CLASP2: variants seen among roughly 807,000 people sequenced by gnomAD.
The protein encoded by CLASP2 is cytoplasmic linker associated protein 2, also known as CLIP-associating protein 2.
CLASP2 carries 47 observed loss-of-function variants against 194.4 expected under a neutral mutation model. That is an observed-to-expected ratio of 0.24 (90% CI 0.19 to 0.31). The LOEUF (loss-of-function observed/expected upper bound fraction) is 0.31, where lower values mean the gene tolerates loss of function less well. Among genes scored for constraint, CLASP2 ranks in the 10% least tolerant of loss-of-function variants. The pLI, the probability that CLASP2 is intolerant of heterozygous loss-of-function variation, is 1.00. For missense variants in CLASP2, 1,445 were observed against 1,823.6 expected, an observed-to-expected ratio of 0.79 and a Z score of 3.78; for synonymous variants, 619 against 633.5, an observed-to-expected ratio of 0.98 and a Z score of 0.34.
At chr3:33,624,221 T>C (rs1338145167) in intron 10 of CLASP2, among the ~76,000 whole-genome samples, 1 of 151,918 alleles carries the variant, frequency 6.6e-6, no homozygotes, top group Non-Finnish European at 1.5e-5. Context: ...TAACTCGAGG[T>C]TTTCTAAATT....
rs1176870848 is a variant in CLASP2, at chr3:33,574,506, GTAAA to G, written c.2455-1156_2455-1153del. ...GTATGTCTCCTAAGAGCTGAGAGCA[GTAAA>G]TTTTTAAAGAGAAAAATTGAAAATA... On this transcript the variant is annotated intron_variant, in intron 24 of 38. Transcript: ENST00000682230. 5 of 1,499,724 alleles carry G rather than the reference GTAAA, an allele frequency of 3.3e-6. No individual in the cohort carries two copies. In the East Asian group the frequency reaches 1.2e-4, roughly 37 times the overall value. The allele number at this position is 1,499,724 out of a possible 1,614,324, so 92.9% of individuals were successfully genotyped here.
intron 7 of CLASP2, among the ~76,000 whole-genome samples, chr3:33,651,980 C>T (rs1217556306): frequency 6.6e-6 from 1 of 152,122 alleles, no homozygotes; most frequent in South Asian, 2.1e-4. Context: ...TTTATGGGTA[C>T]ATGTATTCCA....
chr3:33,516,815 C>G (rs1471938974), intron 35 of CLASP2, among the ~76,000 whole-genome samples, 166 bp downstream of exon 35: 1 of 152,120 alleles, frequency 6.6e-6, no homozygotes, highest in Non-Finnish European at 1.5e-5. Flanking sequence ...AATTGTTGAG[C>G]TACTTGGTTT....
chr3:33,515,924 T>C (rs1354372244), intron 36 of CLASP2, 99 bp downstream of exon 36: 5 of 1,221,736 alleles, frequency 4.1e-6, no homozygotes, highest in Non-Finnish European at 4.4e-6. Context: ...TCAAGGCAAA[T>C]GTTCAAGAAA....
At chr3:33,652,687 T>A (rs1054161895) in intron 7 of CLASP2, among the ~76,000 whole-genome samples, 1 of 152,162 alleles carries the variant, frequency 6.6e-6, no homozygotes, top group Non-Finnish European at 1.5e-5. Context: ...GACCTATATA[T>A]CCAATTGCCT....
At chr3:33,564,220 A>G (rs1417444300) in intron 27 of CLASP2, among the ~76,000 whole-genome samples, 1 of 152,220 alleles carries the variant, frequency 6.6e-6, no homozygotes, top group East Asian at 1.9e-4. Context: ...AGAACCCAAT[A>G]AAAAGTTTAT....
At chr3:33,530,520 A>G (rs1357571532) in intron 34 of CLASP2, among the ~76,000 whole-genome samples, 2 of 152,202 alleles carry the variant, frequency 1.3e-5, no homozygotes, top group Non-Finnish European at 2.9e-5. Flanking sequence ...GTTGTTTATT[A>G]AGGATATTAA....
In CLASP2 at chr3:33,496,789, T is replaced by A. The variant is rs910352140; in HGVS notation, c.*1842A>T. On this transcript the variant is annotated 3_prime_UTR_variant, in exon 39 of 39. Transcript: ENST00000682230. ...TGAGAAGAGTTGTGTTTAAAATGCA[T>A]TTTCTTCTTACAGATAAGCTGTAAT... 1 of 152,212 alleles carries A rather than the reference T, an allele frequency of 6.6e-6. No homozygotes were observed. The highest frequency in any genetic ancestry group is 1.5e-5 in the Non-Finnish European group (1 of 68,020). The allele number at this position is 152,212 out of a possible 1,614,324, so 9.4% of individuals were successfully genotyped here.
chr3:33,561,035 T>C (rs1168479846), intron 27 of CLASP2, 64 bp from the exon 28 acceptor site: 2 of 1,404,418 alleles, frequency 1.4e-6, no homozygotes, highest in Non-Finnish European at 2.0e-6. Flanking sequence ...CTATGTTCAA[T>C]TCAAAGCGAA....
chr3:33,624,352 G>C (rs2077623354), intron 10 of CLASP2, among the ~76,000 whole-genome samples: 1 of 151,904 alleles, frequency 6.6e-6, no homozygotes, highest in South Asian at 2.1e-4. Context: ...ATAAGGAAGG[G>C]AAAACTATCA....
In CLASP2 at chr3:33,510,676, T is replaced by G; in HGVS notation, c.4199A>C (p.Gln1400Pro). The change falls in exon 37 of 39, where the codon CAA becomes CCA. Residue 1400 changes from glutamine (Q) to proline (P), a missense_variant. Transcript: ENST00000682230. ...QCIKVLCPII[Q>P]TADYPINLAA... ...CAGATTAATTGGGTAGTCTGCAGTTTGAATGATAGGACAAAGCACTTTGAT... is the reference window on the plus strand; with the variant it reads ...CAGATTAATTGGGTAGTCTGCAGTTGGAATGATAGGACAAAGCACTTTGAT... The G allele has an allele frequency of 6.2e-7, 1 of 1,613,836 alleles. No homozygotes were observed.
chr3:33,709,943 T>G (rs1475589446), intron 1 of CLASP2, among the ~76,000 whole-genome samples: 15 of 152,190 alleles, frequency 9.9e-5, no homozygotes, highest in Admixed American at 9.8e-4. Context: ...AAGTTGAGGT[T>G]ACATTAATAA....
rs139224407 is a variant in CLASP2, at chr3:33,642,768, A to G, written c.862+1989T>C. ...AGTCAAGAATGGCATTCATTTTAGA[A>G]GTAATATCAATATCCTCTGGCCAGT... On this transcript the variant is annotated intron_variant, in intron 8 of 38. Transcript: ENST00000682230. Among the ~76,000 whole-genome samples, 187 of 152,038 alleles carry G rather than the reference A, an allele frequency of 1.2e-3. 1 individual carries two copies. Among genetic ancestry groups the G allele is most frequent in the African/African-American group, 4.3e-3 (178 of 41,570 alleles).
chr3:33,630,070 G>T (rs2078792816), intron 9 of CLASP2, among the ~76,000 whole-genome samples: 2 of 152,182 alleles, frequency 1.3e-5, no homozygotes, highest in Non-Finnish European at 2.9e-5. Context: ...AAACGTAACG[G>T]TAACACACAG....
intron 12 of CLASP2, among the ~76,000 whole-genome samples, chr3:33,615,284 A>C (rs1161372962): frequency 6.6e-6 from 1 of 151,820 alleles, no homozygotes; most frequent in Non-Finnish European, 1.5e-5. Flanking sequence ...AAGGGAAAAA[A>C]TGACATGAAT....
rs141682313 is a variant in CLASP2 at position 33,583,983 on chromosome 3, C to T, written c.2239+767G>A. ...ATGTTAATTAGTCAATCCTGAAGGC[C>T]GTACAATCTTCAAACTTAACTAATA... On this transcript the variant is annotated intron_variant, in intron 22 of 38. Transcript: ENST00000682230. Among the ~76,000 whole-genome samples the T allele has an allele frequency of 4.5e-3, 681 of 152,070 alleles. 6 individuals carry two copies. The highest frequency in any genetic ancestry group is 0.016 in the African/African-American group (645 of 41,486).
intron 17 of CLASP2, 119 bp downstream of exon 17, chr3:33,604,035 G>A: frequency 1.4e-6 from 1 of 711,298 alleles, no homozygotes; most frequent in Non-Finnish European, 2.4e-6. Context: ...CAGTGCATAT[G>A]TGTGGTACTG....
chr3:33,584,967 G>C, intron 21 of CLASP2, 47 bp from the exon 22 acceptor site: 2 of 1,510,088 alleles, frequency 1.3e-6, no homozygotes, highest in South Asian at 2.6e-5. Flanking sequence ...AATGCCAAGA[G>C]AATTTGCTGA....
intron 34 of CLASP2, among the ~76,000 whole-genome samples, chr3:33,522,604 A>G (rs1478620217): frequency 1.3e-5 from 2 of 152,254 alleles, no homozygotes; most frequent in Non-Finnish European, 2.9e-5. Context: ...TGGCAGATCT[A>G]CTAGACAAAG....
Sources: gnomAD v4.1 joint callset for allele counts (sites outside exome capture counted in the v4.1 genomes callset) on GRCh38, gnomAD v4.1.1 for gene constraint, MANE v1.5 for transcripts, NCBI Gene and HGNC (gene_info 2026-07-23, HGNC 2026-07-21) for gene names.